The following LRRC9 variants were observed in gnomAD, a reference collection of about 807,000 sequenced individuals.
The protein encoded by LRRC9 is leucine-rich repeat-containing protein 9.
A neutral mutation model predicts 63.2 loss-of-function variants in LRRC9; 122 were observed. That is an observed-to-expected ratio of 1.93 (90% confidence interval 1.67 to 2.24). The LOEUF (loss-of-function observed/expected upper bound fraction) is 2.24. LRRC9 is among the 30% of genes most tolerant of loss of function. The pLI is 0.00. For missense variants in LRRC9, 1,071 were observed against 627.7 expected (o/e 1.71, Z -7.55); for synonymous variants, 366 against 213.1 (o/e 1.72, Z -6.25).
At chr14:59,977,889 A>C in intron 14 of LRRC9, 128 bp from the exon 15 acceptor site, 2 of 501,196 alleles carry the variant, frequency 4.0e-6, no homozygotes, top group Non-Finnish European at 7.1e-6. Flanking sequence ...AAATGAAAGA[A>C]AAAATCTTCA....
chr14:60,015,374 G>C (rs1217024378), intron 23 of LRRC9, among the ~76,000 whole-genome samples: 1 of 152,082 alleles, frequency 6.6e-6, no homozygotes, highest in Non-Finnish European at 1.5e-5. Context: ...TGGACATTTG[G>C]GGTATTATGT....
exon 8 of LRRC9, chr14:59,944,616 TATA>T (rs1209169702): frequency 9.5e-6 from 6 of 629,120 alleles, no homozygotes; most frequent in Admixed American, 2.9e-5. Context: ...AATAATGTAT[TATA>T]ATATGCGTAT....
intron 15 of LRRC9, among the ~76,000 whole-genome samples, chr14:59,979,796 A>G (rs1427054449): frequency 8.2e-6 from 1 of 122,566 alleles, no homozygotes; most frequent in Admixed American, 1.0e-4. Context: ...GCAGGGGAAC[A>G]TCACACTCTG....
At chr14:59,946,362 T>C (rs1450844888) in intron 8 of LRRC9, among the ~76,000 whole-genome samples, 1 of 151,118 alleles carries the variant, frequency 6.6e-6, no homozygotes, top group Non-Finnish European at 1.5e-5. Context: ...GATCAATAAA[T>C]GGATATCATT....
In LRRC9 at chr14:60,042,110, A is replaced by T. The variant is rs576235534; in HGVS notation, c.3990+10047A>T. ...GTTGCTGCTTGATCCTTCCTCTGGAACCTTCGTCTCAGAGGGGCACCCAGC... is the reference window on the plus strand; with the variant it reads ...GTTGCTGCTTGATCCTTCCTCTGGATCCTTCGTCTCAGAGGGGCACCCAGC... On this transcript the variant is annotated intron_variant, in intron 29 of 31. Coordinates refer to ENST00000445360, the Ensembl canonical transcript of LRRC9. The surrounding 1 kb of genome is among the most constrained non-coding windows in gnomAD (Gnocchi z 4.2). Among the ~76,000 whole-genome samples the T allele has an allele frequency of 7.3e-4, 111 of 152,144 alleles. No individual in the cohort carries two copies. The highest frequency in any genetic ancestry group is 1.5e-3 in the Admixed American group (23 of 15,280).
intron 28 of LRRC9, among the ~76,000 whole-genome samples, chr14:60,029,063 C>G (rs563523537): frequency 6.2e-4 from 94 of 152,180 alleles, no homozygotes; most frequent in African/African-American, 2.1e-3. Flanking sequence ...CAGATTCAAA[C>G]ATTCATCTGA....
At chr14:60,002,248 A>T (rs1424320760) in intron 20 of LRRC9, 148 bp downstream of exon 20, 2 of 498,490 alleles carry the variant, frequency 4.0e-6, no homozygotes, top group African/African-American at 2.0e-5. Flanking sequence ...GAAACACTTA[A>T]GATCTACCCT....
rs565247361 is a variant in LRRC9 at position 59,944,870 on chromosome 14, A to T, written c.882+126A>T. On this transcript the variant is annotated intron_variant, in intron 8 of 31. Transcript: ENST00000445360. ...ATAATACACACACACACACACTCACACACACACACACACACATATGTAATT... is the reference window on the plus strand; with the variant it reads ...ATAATACACACACACACACACTCACTCACACACACACACACATATGTAATT... The T allele has an allele frequency of 7.9e-4, 294 of 373,562 alleles. 2 individuals carry two copies. Among genetic ancestry groups the T allele is most frequent in the African/African-American group, 5.8e-3 (264 of 45,582 alleles). The allele number at this position is 373,562 out of a possible 1,614,324, so 23.1% of individuals were successfully genotyped here.
In LRRC9 at chr14:60,042,158, C is replaced by G. The variant is rs1188318169; in HGVS notation, c.3990+10095C>G. ...AGCTGTATGAGGTGTCAGTCAGCCC[C>G]TACTGGGACGTGCCTCCCAGTTAGG... is the stretch of plus-strand genomic sequence containing the variant. On this transcript the variant is annotated intron_variant, in intron 29 of 31. Coordinates refer to ENST00000445360, the Ensembl canonical transcript of LRRC9. The surrounding 1 kb of genome is among the most constrained non-coding windows in gnomAD (Gnocchi z 4.2). Among the ~76,000 whole-genome samples, 4 of 152,218 alleles carry G rather than the reference C, an allele frequency of 2.6e-5. No homozygotes were observed. Among genetic ancestry groups the G allele is most frequent in the African/African-American group, 9.6e-5 (4 of 41,466 alleles).
At chr14:59,953,293 T>C (rs967886123) in intron 8 of LRRC9, among the ~76,000 whole-genome samples, 3 of 152,230 alleles carry the variant, frequency 2.0e-5, no homozygotes, top group Non-Finnish European at 2.9e-5. Flanking sequence ...AAACTGTTCT[T>C]ATTTCTCCAC....
intron 29 of LRRC9, among the ~76,000 whole-genome samples, chr14:60,041,650 T>C (rs1371159167): frequency 3.3e-5 from 5 of 152,236 alleles, no homozygotes; most frequent in Non-Finnish European, 7.3e-5. Flanking sequence ...GTCTAATCCT[T>C]TTTCAAGGTT....
chr14:59,958,818 C>T lies in LRRC9; in HGVS notation c.883-1000C>T, dbSNP rs908970140. Among the ~76,000 whole-genome samples, 12 of 152,164 alleles carry T rather than the reference C, an allele frequency of 7.9e-5. No individual in the cohort carries two copies. Among genetic ancestry groups the T allele is most frequent in the Admixed American group, 3.9e-4 (6 of 15,280 alleles). On this transcript the variant is annotated intron_variant, in intron 8 of 31. Transcript: ENST00000445360. This position sits in a 1 kb window ranked among gnomAD's most constrained non-coding sequence, Gnocchi z 4.0. The stretch of plus-strand genomic sequence containing the variant: ...AAACGGTGGGAAAAGCATAGTAACC[C>T]GGCTGGGTAGCACAGTCCCTCACAG...
intron 8 of LRRC9, among the ~76,000 whole-genome samples, chr14:59,954,251 G>A (rs1883486920): frequency 6.6e-6 from 1 of 152,136 alleles, no homozygotes; most frequent in African/African-American, 2.4e-5. Flanking sequence ...ATTTCTTTGG[G>A]GAGTATGACC....
intron 29 of LRRC9, among the ~76,000 whole-genome samples, chr14:60,038,282 G>T (rs1892626310): frequency 6.6e-6 from 1 of 152,194 alleles, no homozygotes; most frequent in Admixed American, 6.5e-5. Context: ...CTTTAAAGTA[G>T]TTTTTTCCAA....
intron 29 of LRRC9, among the ~76,000 whole-genome samples, chr14:60,041,386 T>C (rs993525527): frequency 2.0e-5 from 3 of 152,224 alleles, no homozygotes; most frequent in Non-Finnish European, 2.9e-5. Context: ...CCCGTCACTT[T>C]CAGGTACACC....
rs1343471546 is a variant in LRRC9 at position 59,970,446 on chromosome 14, C to T, written c.1506+3233C>T. On this transcript the variant is annotated intron_variant, in intron 12 of 31. Coordinates refer to ENST00000445360, the Ensembl canonical transcript of LRRC9. ...ATTTATATTCCTTTAGGTATATACCCAGAAATGGGATTGCTGGGTCAAATG... is the reference window on the plus strand; with the variant it reads ...ATTTATATTCCTTTAGGTATATACCTAGAAATGGGATTGCTGGGTCAAATG... 2.6e-5 allele frequency among the ~76,000 whole-genome samples: 4 copies of T among 152,230 alleles called. No homozygotes were observed. In the East Asian group the frequency reaches 7.7e-4, roughly 29 times the overall value.
intron 22 of LRRC9, among the ~76,000 whole-genome samples, chr14:60,007,381 C>T (rs1465500774): frequency 1.3e-5 from 2 of 152,118 alleles, no homozygotes; most frequent in Admixed American, 6.6e-5. Context: ...GTTTTACTCC[C>T]TCTTGTTTTC....
intron 31 of LRRC9, among the ~76,000 whole-genome samples, chr14:60,059,575 T>C (rs1291850212): frequency 2.0e-5 from 3 of 152,140 alleles, no homozygotes; most frequent in African/African-American, 4.8e-5. Flanking sequence ...GGATAAGAAA[T>C]TGAAACAATC....
Position 60,031,619 on chromosome 14 carries a change from C to A in LRRC9, c.3922-376C>A, listed in dbSNP as rs1204638088. Among the ~76,000 whole-genome samples, 2 of 151,930 alleles carry A rather than the reference C, an allele frequency of 1.3e-5. No homozygotes were observed. Among genetic ancestry groups the A allele is most frequent in the Non-Finnish European group, 2.9e-5 (2 of 67,924 alleles). On this transcript the variant is annotated intron_variant, in intron 28 of 31. Coordinates refer to ENST00000445360, the Ensembl canonical transcript of LRRC9. The surrounding 1 kb of genome is among the most constrained non-coding windows in gnomAD (Gnocchi z 4.6). The stretch of plus-strand genomic sequence containing the variant: ...GGTTAAGGCTGTGTTTAATTATGTA[C>A]CTTTAAAATTTTTAGATTTGATTCA...
Sources: allele counts gnomAD v4.1 joint callset (sites outside exome capture counted in the v4.1 genomes callset), GRCh38; gene constraint gnomAD v4.1.1; non-coding constraint Gnocchi (gnomAD v3.1); transcripts MANE v1.5; gene names NCBI Gene and HGNC (gene_info 2026-07-23, HGNC 2026-07-21).